The following EIF4G1 variants were observed in gnomAD, a reference collection of about 807,000 sequenced individuals.
EIF4G1 encodes eukaryotic translation initiation factor 4 gamma 1, also known as EIF4-gamma.
A neutral mutation model predicts 187.8 loss-of-function variants in EIF4G1; 4 were observed. The ratio of observed to expected loss-of-function variants is 0.02; its 90% confidence interval spans 0.01 to 0.05. The LOEUF is 0.05. EIF4G1 is among the 10% of genes least tolerant of loss of function. The probability of loss-of-function intolerance (pLI) is 1.00; values close to 1 mark genes in which losing one functional copy is unlikely to be tolerated. For synonymous variants in EIF4G1, 844 were observed against 781.4 expected, an observed-to-expected ratio of 1.08 and a Z score of -1.34; for missense variants, 1,647 against 2,081.1, an observed-to-expected ratio of 0.79 and a Z score of 4.06.
Position 184,323,308 on chromosome 3 carries a change from C to G in EIF4G1, c.2088+67C>G. 6.2e-7 allele frequency: 1 copy of G among 1,611,606 alleles called. No individual in the cohort carries two copies. Among genetic ancestry groups the G allele is most frequent in the Non-Finnish European group, 8.5e-7 (1 of 1,178,238 alleles). ...GAGTGGATGATTCCGTGTCTCAGTG[C>G]CCGCGGGGAGGGGTTTGCCCTGGAG... On this transcript the variant is annotated intron_variant, in intron 14 of 32. Transcript: ENST00000346169. This position sits in a 1 kb window ranked among gnomAD's most constrained non-coding sequence, Gnocchi z 6.9.
chr3:184,319,801 G>A lies in EIF4G1; in HGVS notation c.537G>A (p.Thr179=), dbSNP rs1318496213. ...TTGCTCCCAAGAGGGAGCGTAAGAC[G>A]GTGAGTAGCAGTGAGGGGCTCCGGG... ...PQIAPKRERK[T]IRIRDPNQGG... Residue 179 remains threonine, a splice_region_variant and synonymous_variant, in exon 7 of 33, where the codon ACG becomes ACA. Coordinates refer to ENST00000346169, the MANE Select transcript of EIF4G1 (RefSeq NM_198241.3). 5 of 1,591,244 alleles carry A rather than the reference G, an allele frequency of 3.1e-6. No individual in the cohort carries two copies. The highest frequency in any genetic ancestry group is 1.1e-5 in the South Asian group (1 of 88,366).
At chr3:184,315,039 C>T (rs1722481989) in intron 1 of EIF4G1, 1 of 186,182 alleles carries the variant, frequency 5.4e-6, no homozygotes, top group Non-Finnish European at 1.1e-5. Context: ...CGCGGCCAGG[C>T]CGCCGGGAAG....
intron 32 of EIF4G1, among the ~76,000 whole-genome samples, chr3:184,332,410 A>C (rs1052728652): frequency 2.6e-5 from 4 of 152,180 alleles, no homozygotes; most frequent in African/African-American, 9.7e-5. Context: ...TGCTTTGCTT[A>C]CCTTGCCTCA....
intron 7 of EIF4G1, 58 bp from the exon 8 acceptor site, chr3:184,320,572 A>G: frequency 6.2e-7 from 1 of 1,613,352 alleles, no homozygotes. Context: ...AGATTGGGGC[A>G]GGGTGGAGAG....
intron 32 of EIF4G1, among the ~76,000 whole-genome samples, chr3:184,332,477 A>G (rs1162087679): frequency 6.6e-6 from 1 of 152,174 alleles, no homozygotes; most frequent in African/African-American, 2.4e-5. Context: ...TTTCCACATG[A>G]GGAGACTGAG....
At chr3:184,326,056 A>G (rs1036456661) in intron 21 of EIF4G1, 105 bp downstream of exon 21, 7 of 1,241,410 alleles carry the variant, frequency 5.6e-6, no homozygotes, top group Non-Finnish European at 8.2e-6. Context: ...CTCTTAGACT[A>G]ACTGGTTGGA....
chr3:184,323,013 G>A lies in EIF4G1; in HGVS notation c.1929+59G>A. On this transcript the variant is annotated intron_variant, in intron 13 of 32. Transcript: ENST00000346169. This position sits in a 1 kb window ranked among gnomAD's most constrained non-coding sequence, Gnocchi z 6.9. ...TTTGTGCTGGATGGATTGGGGAGGA[G>A]CCTGAGGTCCTGAAAGAGTAGTCAA... 3 of 1,614,170 alleles carry A rather than the reference G, an allele frequency of 1.9e-6. No homozygotes were observed. The highest frequency in any genetic ancestry group is 1.1e-5 in the South Asian group (1 of 91,080).
chr3:184,323,742 G>A lies in EIF4G1; in HGVS notation c.2275-38G>A, dbSNP rs1292656475. 2 of 1,612,416 alleles carry A rather than the reference G, an allele frequency of 1.2e-6. No homozygotes were observed. The highest frequency in any genetic ancestry group is 3.3e-5 in the Admixed American group (2 of 59,990). ...CCTGTCCCTCCCAACAGCCTGTTCT[G>A]AGACCCTCACTGGAACTCTTGTCTC... On this transcript the variant is annotated intron_variant, in intron 15 of 32. Coordinates refer to ENST00000346169, the MANE Select transcript of EIF4G1 (RefSeq NM_198241.3). The surrounding 1 kb of genome is among the most constrained non-coding windows in gnomAD (Gnocchi z 6.9).
chr3:184,328,045 A>G (rs774808076), intron 26 of EIF4G1, 43 bp downstream of exon 26: 1 of 1,594,434 alleles, frequency 6.3e-7, no homozygotes, highest in South Asian at 1.1e-5. Flanking sequence ...ACAGACCCAC[A>G]ATTTTCTATC....
intron 6 of EIF4G1, among the ~76,000 whole-genome samples, chr3:184,318,152 TTTTA>T (rs1294306259): frequency 6.6e-6 from 1 of 152,326 alleles, no homozygotes; most frequent in African/African-American, 2.4e-5. Context: ...TGTAGCTATT[TTTTA>T]TTTATGTTCT....
Position 184,317,752 on chromosome 3 carries a change from C to T in EIF4G1, c.360C>T (p.Tyr120=). Residue 120 remains tyrosine (Y), a synonymous_variant, in exon 6 of 33, where the codon TAC becomes TAT. Coordinates refer to ENST00000346169, the MANE Select transcript of EIF4G1 (RefSeq NM_198241.3). ...CATACGTTGTCCCGACACAGCAGTA[C>T]CCTGTGCAGCCAGGAGCCCCAGGCT... is the stretch of plus-strand genomic sequence containing the variant. The part of the protein sequence containing the change: ...RSTYVVPTQQ[Y]PVQPGAPGFY... 6.2e-7 allele frequency: 1 copy of T among 1,614,154 alleles called. No individual in the cohort carries two copies.
At chr3:184,318,124 G>A (rs1017408074) in intron 6 of EIF4G1, among the ~76,000 whole-genome samples, 7 of 152,194 alleles carry the variant, frequency 4.6e-5, no homozygotes, top group African/African-American at 1.7e-4. Flanking sequence ...CCCATGTAAT[G>A]CAAATTTGGG....
chr3:184,329,021 T>C, intron 28 of EIF4G1, 31 bp downstream of exon 28: 2 of 1,613,036 alleles, frequency 1.2e-6, no homozygotes, highest in Non-Finnish European at 1.7e-6. Flanking sequence ...CAGAGATGCC[T>C]CCCACGGTGT....
At position 184,321,404 on chromosome 3, in the gene EIF4G1, C is replaced by T; in HGVS notation, c.820C>T (p.Pro274Ser). The T allele has an allele frequency of 6.2e-7, 1 of 1,614,182 alleles. No homozygotes were observed. The highest frequency in any genetic ancestry group is 8.5e-7 in the Non-Finnish European group (1 of 1,180,042). Residue 274 changes from proline to serine, a missense_variant, in exon 10 of 33, where the codon CCG becomes TCG. Pro to Ser is a moderately conservative substitution (Grantham distance 74). This residue lies in a region of EIF4G1 where 522 missense variants were observed against 485.2 expected (regional missense o/e 1.08). Transcript: ENST00000346169. ...PTPSPSPVLE[P>S]GSEPNLAVLS... ...CCCATCACCATCCCCAGTCTTGGAA[C>T]CGGGGTCTGAGCCTAATCTCGCAGT...
chr3:184,315,143 G>A (rs1363867654), intron 1 of EIF4G1: 19 of 341,008 alleles, frequency 5.6e-5, no homozygotes, highest in Non-Finnish European at 9.2e-5. Context: ...CCCCGGCCCC[G>A]CCCGCCCTCC....
rs1726151517 is a variant in EIF4G1, at chr3:184,331,738, G to A, written c.4406G>A (p.Ser1469Asn). Residue 1469 changes from serine to asparagine, a missense_variant, in exon 31 of 33, where the codon AGT becomes AAT. Physicochemically the swap from Ser to Asn is conservative, Grantham distance 46. Coordinates refer to ENST00000346169, the MANE Select transcript of EIF4G1 (RefSeq NM_198241.3). ...RVFDWIEANL[S>N]EQQIVSNTLV... The stretch of plus-strand genomic sequence containing the variant: ...GTTTCTCCCATACAGGCCAACCTGA[G>A]TGAGCAGCAGATAGTATCCAACACG... 1 of 1,614,224 alleles carries A rather than the reference G, an allele frequency of 6.2e-7. No homozygotes were observed. Among genetic ancestry groups the A allele is most frequent in the African/African-American group, 1.3e-5 (1 of 75,058 alleles).
chr3:184,334,988 A>C lies in EIF4G1; in HGVS notation c.*80A>C. 1.3e-6 allele frequency: 2 copies of C among 1,579,072 alleles called. No homozygotes were observed. Among genetic ancestry groups the C allele is most frequent in the Non-Finnish European group, 1.7e-6 (2 of 1,157,896 alleles). ...GCCGCCTGGACTGCAGGGGGGCGGC[A>C]GCAGCGGCGGTGGCAGTGGGTGCCT... is the stretch of plus-strand genomic sequence containing the variant. On this transcript the variant is annotated 3_prime_UTR_variant, in exon 33 of 33. Coordinates refer to ENST00000346169, the MANE Select transcript of EIF4G1 (RefSeq NM_198241.3). This position sits in a 1 kb window ranked among gnomAD's most constrained non-coding sequence, Gnocchi z 5.8.
rs752163234 is a variant in EIF4G1, at chr3:184,328,946, G to A, written c.4117G>A (p.Ala1373Thr). The change falls in exon 28 of 33, where the codon GCT becomes ACT. Residue 1373 changes from alanine (A) to threonine (T), a missense_variant. Physicochemically the swap from Ala to Thr is moderately conservative, Grantham distance 58 (BLOSUM62 0). Transcript: ENST00000346169. ...TKPLRPLGKA[A>T]SLLLEILGLL... ...GCCTCTGAGACCGTTGGGCAAAGCTGCTTCCCTGTTGCTGGAGATCCTGGG... is the reference window on the plus strand; with the variant it reads ...GCCTCTGAGACCGTTGGGCAAAGCTACTTCCCTGTTGCTGGAGATCCTGGG... 1.9e-6 allele frequency: 3 copies of A among 1,614,080 alleles called. No homozygotes were observed. The highest frequency in any genetic ancestry group is 1.3e-5 in the African/African-American group (1 of 74,926).
chr3:184,323,603 A>G lies in EIF4G1; in HGVS notation c.2274+10A>G. ...TGGCAGCAAAACCCAGGTACTGGCA[A>G]GTCCTGCTTTTGGTCTCTCTCCATT... is the stretch of plus-strand genomic sequence containing the variant. On this transcript the variant is annotated intron_variant, in intron 15 of 32. Coordinates refer to ENST00000346169, the MANE Select transcript of EIF4G1 (RefSeq NM_198241.3). This position sits in a 1 kb window ranked among gnomAD's most constrained non-coding sequence, Gnocchi z 6.9. 3.1e-6 allele frequency: 5 copies of G among 1,613,926 alleles called. No individual in the cohort carries two copies. Among genetic ancestry groups the G allele is most frequent in the Non-Finnish European group, 4.2e-6 (5 of 1,180,014 alleles).
Sources: allele counts gnomAD v4.1 joint callset (sites outside exome capture counted in the v4.1 genomes callset), GRCh38; gene constraint gnomAD v4.1.1; regional missense constraint gnomAD v4.1.1; non-coding constraint Gnocchi (gnomAD v3.1); transcripts MANE v1.5; gene names NCBI Gene and HGNC (gene_info 2026-07-23, HGNC 2026-07-21).